The following MAP2K5 variants were observed in gnomAD, a reference collection of about 807,000 sequenced individuals.
MAP2K5 encodes the protein mitogen-activated protein kinase kinase 5.
A neutral mutation model predicts 83.1 loss-of-function variants in MAP2K5; 49 were observed. The observed-to-expected ratio is 0.59, with a 90% confidence interval of 0.47 to 0.75. The LOEUF is 0.75. MAP2K5 is among the 30% of genes least tolerant of loss of function. The pLI, the probability that MAP2K5 is intolerant of heterozygous loss-of-function variation, is 0.00. For synonymous variants in MAP2K5, 202 were observed against 191.8 expected, an observed-to-expected ratio of 1.05 and a Z score of -0.44; for missense variants, 457 against 557.5, an observed-to-expected ratio of 0.82 and a Z score of 1.82.
In MAP2K5 at chr15:67,664,645, G is replaced by C. The variant is rs1311947524; in HGVS notation, c.847G>C (p.Asp283His). 1 of 1,600,656 alleles carries C rather than the reference G, an allele frequency of 6.2e-7. No individual in the cohort carries two copies. Among genetic ancestry groups the C allele is most frequent in the African/African-American group, 1.3e-5 (1 of 74,566 alleles). Residue 283 changes from aspartate (D) to histidine (H), a missense_variant and splice_region_variant, in exon 13 of 22, where the codon GAC (aspartate) becomes CAC (histidine). By Grantham distance (81) the Asp-to-His change is moderately conservative (BLOSUM62 -1). Coordinates refer to ENST00000178640, the MANE Select transcript of MAP2K5 (RefSeq NM_145160.3). ...YLWSLKILHR[D>H]VKPSNMLVNT... ...GTGGAGTTTAAAGATTTTACATAGAGGTATGTGCTGGGCTTATAAGCTTGG... is the reference window on the plus strand; with the variant it reads ...GTGGAGTTTAAAGATTTTACATAGACGTATGTGCTGGGCTTATAAGCTTGG...
intron 8 of MAP2K5, among the ~76,000 whole-genome samples, chr15:67,616,762 T>A (rs1478844849): frequency 1.3e-5 from 2 of 152,232 alleles, no homozygotes; most frequent in Admixed American, 6.5e-5. Context: ...AGACCATCTC[T>A]TTTTAATTAC....
intron 8 of MAP2K5, among the ~76,000 whole-genome samples, 167 bp downstream of exon 8, chr15:67,600,916 G>T (rs1345716743): frequency 6.6e-6 from 1 of 152,138 alleles, no homozygotes; most frequent in African/African-American, 2.4e-5. Flanking sequence ...TGCCTGGAAA[G>T]TGCATTTATA....
intron 8 of MAP2K5, among the ~76,000 whole-genome samples, chr15:67,629,738 A>G (rs1016661625): frequency 6.6e-6 from 1 of 152,226 alleles, no homozygotes; most frequent in African/African-American, 2.4e-5. Context: ...TAGCTAGTGT[A>G]TAAAATCCTC....
In MAP2K5 at chr15:67,585,058, G is replaced by A. The variant is rs139160387; in HGVS notation, c.323-832G>A. ...GTTGTCAGAAACAGGAAAACGACAT[G>A]TACATCTGAGAGAGGAGCAAAAAAA... On this transcript the variant is annotated intron_variant, in intron 4 of 21. Transcript: ENST00000178640. Among the ~76,000 whole-genome samples, 247 of 117,006 alleles carry A rather than the reference G, an allele frequency of 2.1e-3. 1 individual carries two copies. Among genetic ancestry groups the A allele is most frequent in the Middle Eastern group, 0.018 (3 of 168 alleles). The allele number at this position is 117,006 out of a possible 152,430, so 76.8% of individuals were successfully genotyped here.
chr15:67,570,321 A>T (rs1378102818), intron 3 of MAP2K5, among the ~76,000 whole-genome samples: 1 of 152,180 alleles, frequency 6.6e-6, no homozygotes, highest in African/African-American at 2.4e-5. Context: ...TGAGCCTATA[A>T]ATAGGGCCCA....
Position 67,565,556 on chromosome 15 carries a change from A to G in MAP2K5, c.252+2206A>G, listed in dbSNP as rs185428212. Among the ~76,000 whole-genome samples the G allele has an allele frequency of 1.5e-4, 23 of 151,986 alleles. No individual in the cohort carries two copies. The East Asian group carries it at 2.9e-3, about 19-fold the overall frequency. On this transcript the variant is annotated intron_variant, in intron 3 of 21. Transcript: ENST00000178640. The surrounding 1 kb of genome is among the most constrained non-coding windows in gnomAD (Gnocchi z 4.1). ...CATCATCATTATTAAATTCTGAATA[A>G]TTTGGGTTTATATAATACCTTAGTT...
intron 16 of MAP2K5, among the ~76,000 whole-genome samples, chr15:67,703,749 T>A (rs2088479641): frequency 6.6e-6 from 1 of 152,182 alleles, no homozygotes; most frequent in Non-Finnish European, 1.5e-5. Flanking sequence ...ACATACTAAA[T>A]CTGGAGAACC....
chr15:67,780,030 T>C lies in MAP2K5; in HGVS notation c.1242+7278T>C, dbSNP rs139042532. On this transcript the variant is annotated intron_variant, in intron 21 of 21. Transcript: ENST00000178640. This position sits in a 1 kb window ranked among gnomAD's most constrained non-coding sequence, Gnocchi z 5.0. ...TCTTGGTCCTCCTCCCTGCGGCTTT[T>C]CCCTACTCTTCGACTTTACAGTTGC... Among the ~76,000 whole-genome samples, 124 of 152,366 alleles carry C rather than the reference T, an allele frequency of 8.1e-4. No individual in the cohort carries two copies. Among genetic ancestry groups the C allele is most frequent in the African/African-American group, 2.8e-3 (115 of 41,592 alleles).
At chr15:67,649,431 T>A (rs1242326448) in intron 11 of MAP2K5, among the ~76,000 whole-genome samples, 1 of 152,146 alleles carries the variant, frequency 6.6e-6, no homozygotes, top group Non-Finnish European at 1.5e-5. Context: ...CAAGTGATCC[T>A]CCCACCTCAG....
At chr15:67,739,549 C>T (rs2089446083) in intron 17 of MAP2K5, among the ~76,000 whole-genome samples, 1 of 135,722 alleles carries the variant, frequency 7.4e-6, no homozygotes, top group Admixed American at 8.1e-5. Flanking sequence ...GGTGCAATCT[C>T]AGCTCACTGC....
intron 8 of MAP2K5, among the ~76,000 whole-genome samples, chr15:67,612,272 T>C (rs2085942236): frequency 6.6e-6 from 1 of 152,154 alleles, no homozygotes; most frequent in South Asian, 2.1e-4. Flanking sequence ...AGTTTTAATC[T>C]TCTAAATGGA....
rs2084756577 is a variant in MAP2K5, at chr15:67,562,524, A to G, written c.185-759A>G. The stretch of plus-strand genomic sequence containing the variant: ...TTACTCAAATTTACACATTCTGGTT[A>G]TGTAGTTTGTGAAGTCTTGTCCTCC... On this transcript the variant is annotated intron_variant, in intron 2 of 21. Transcript: ENST00000178640. This position sits in a 1 kb window ranked among gnomAD's most constrained non-coding sequence, Gnocchi z 4.1. Among the ~76,000 whole-genome samples the G allele has an allele frequency of 6.6e-6, 1 of 152,178 alleles. No homozygotes were observed. Among genetic ancestry groups the G allele is most frequent in the Admixed American group, 6.5e-5 (1 of 15,272 alleles).
intron 2 of MAP2K5, among the ~76,000 whole-genome samples, chr15:67,557,899 A>G (rs2084660901): frequency 6.6e-6 from 1 of 152,214 alleles, no homozygotes; most frequent in Non-Finnish European, 1.5e-5. Flanking sequence ...TTTAAGTAAA[A>G]CTAGGTAAGT....
chr15:67,654,101 T>C (rs533848667), intron 11 of MAP2K5, among the ~76,000 whole-genome samples: 39 of 152,310 alleles, frequency 2.6e-4, no homozygotes, highest in African/African-American at 8.4e-4. Flanking sequence ...TGTATAGTTT[T>C]GTCCATTTTT....
intron 7 of MAP2K5, among the ~76,000 whole-genome samples, chr15:67,598,635 A>G (rs1350845465): frequency 6.6e-6 from 1 of 152,072 alleles, no homozygotes; most frequent in African/African-American, 2.4e-5. Flanking sequence ...TTTTCCCTGT[A>G]GTGGATGTAA....
intron 12 of MAP2K5, among the ~76,000 whole-genome samples, chr15:67,660,638 C>T (rs1019375515): frequency 2.6e-5 from 4 of 152,084 alleles, no homozygotes; most frequent in African/African-American, 9.7e-5. Context: ...TTGAATACTT[C>T]CTGTGCCAAT....
chr15:67,643,301 T>C (rs2086755026), intron 9 of MAP2K5, among the ~76,000 whole-genome samples: 1 of 152,238 alleles, frequency 6.6e-6, no homozygotes, highest in African/African-American at 2.4e-5. Context: ...TTAATTTTGT[T>C]GGTAAGTTTT....
Position 67,757,289 on chromosome 15 carries a change from T to A in MAP2K5, c.1134+8688T>A, listed in dbSNP as rs1398075276. On this transcript the variant is annotated intron_variant, in intron 19 of 21. Transcript: ENST00000178640. The surrounding 1 kb of genome is among the most constrained non-coding windows in gnomAD (Gnocchi z 4.9). Reference sequence around the variant, plus strand: ...ATTGTGGTTTTTATTTGCATAAAAATAGTATTTCTAGAAGACATTTGCAAA... The same window carrying A: ...ATTGTGGTTTTTATTTGCATAAAAAAAGTATTTCTAGAAGACATTTGCAAA... Among the ~76,000 whole-genome samples, 4 of 152,202 alleles carry A rather than the reference T, an allele frequency of 2.6e-5. No individual in the cohort carries two copies. Among genetic ancestry groups the A allele is most frequent in the Admixed American group, 1.3e-4 (2 of 15,286 alleles).
intron 17 of MAP2K5, among the ~76,000 whole-genome samples, chr15:67,731,306 A>C (rs2089214921): frequency 2.0e-5 from 3 of 152,036 alleles, no homozygotes; most frequent in Admixed American, 2.0e-4. Flanking sequence ...GGTCGCAGAG[A>C]GGGAGGAGTG....
Sources: gnomAD v4.1 joint callset for allele counts (sites outside exome capture counted in the v4.1 genomes callset) on GRCh38, gnomAD v4.1.1 for gene constraint, Gnocchi (gnomAD v3.1) non-coding constraint, MANE v1.5 for transcripts, NCBI Gene and HGNC (gene_info 2026-07-23, HGNC 2026-07-21) for gene names.